SMOC1: variants seen among roughly 807,000 people sequenced by gnomAD.
The protein encoded by SMOC1 is SPARC-related modular calcium-binding protein 1.
In SMOC1, 22 loss-of-function variants were observed where a neutral mutation model predicts 56.3. The ratio of observed to expected loss-of-function variants is 0.39; its 90% CI spans 0.28 to 0.56. The LOEUF (loss-of-function observed/expected upper bound fraction) is 0.56. Ranked by LOEUF, SMOC1 falls within the 20% of genes least tolerant of loss-of-function variation. The pLI is 0.61. For synonymous variants in SMOC1, 193 were observed against 215.0 expected, an observed-to-expected ratio of 0.90 and a Z score of 0.89; for missense variants, 509 against 565.4, an observed-to-expected ratio of 0.90 and a Z score of 1.01.
chr14:69,955,214 C>T (rs1452966331), intron 3 of SMOC1, among the ~76,000 whole-genome samples: 1 of 152,114 alleles, frequency 6.6e-6, no homozygotes, highest in Non-Finnish European at 1.5e-5. Flanking sequence ...CAGAAGCCCT[C>T]CATACTCTGT....
At chr14:69,937,334 C>G (rs1266133829) in intron 1 of SMOC1, among the ~76,000 whole-genome samples, 3 of 152,186 alleles carry the variant, frequency 2.0e-5, no homozygotes, top group Non-Finnish European at 4.4e-5. Flanking sequence ...GAAAAAGATC[C>G]TCGTAGTCAA....
chr14:70,010,608 C>A, intron 7 of SMOC1, 146 bp from the exon 8 acceptor site: 1 of 844,220 alleles, frequency 1.2e-6, no homozygotes, highest in Non-Finnish European at 1.9e-6. Flanking sequence ...GGAGACAGCT[C>A]TCTGTGGTAA....
intron 1 of SMOC1, among the ~76,000 whole-genome samples, chr14:69,884,990 G>A (rs558610398): frequency 1.3e-5 from 2 of 152,032 alleles, no homozygotes; most frequent in East Asian, 3.9e-4. Context: ...ATTTTTATAG[G>A]GATTGCACTG....
In SMOC1 at chr14:69,894,903, G is replaced by A. The variant is rs549756239; in HGVS notation, c.99+15126G>A. On this transcript the variant is annotated intron_variant, in intron 1 of 11. Coordinates refer to ENST00000361956, the MANE Select transcript of SMOC1 (RefSeq NM_001034852.3). ...AGCCCAAAATAAGGATAATAGGCCCGCAGTTGAAAGATTCCCATAGATACC... is the reference window on the plus strand; with the variant it reads ...AGCCCAAAATAAGGATAATAGGCCCACAGTTGAAAGATTCCCATAGATACC... 6.6e-5 allele frequency among the ~76,000 whole-genome samples: 10 copies of A among 152,302 alleles called. No homozygotes were observed. In the East Asian group the frequency reaches 9.6e-4, roughly 15 times the overall value.
intron 3 of SMOC1, among the ~76,000 whole-genome samples, chr14:69,954,835 T>C (rs1883130430): frequency 6.6e-6 from 1 of 152,170 alleles, no homozygotes; most frequent in South Asian, 2.1e-4. Context: ...AAAGGGTATA[T>C]AGGCTGGTCT....
intron 1 of SMOC1, among the ~76,000 whole-genome samples, chr14:69,941,143 C>A (rs575250711): frequency 1.3e-5 from 2 of 152,298 alleles, no homozygotes; most frequent in Admixed American, 1.3e-4. Context: ...TGGCATCCCG[C>A]CCTGCCCTAC....
At chr14:69,905,412 G>A (rs1884381646) in intron 1 of SMOC1, among the ~76,000 whole-genome samples, 1 of 152,192 alleles carries the variant, frequency 6.6e-6, no homozygotes, top group African/African-American at 2.4e-5. Flanking sequence ...AGCTGCAAAG[G>A]GAGGTGGTGA....
chr14:69,978,195 C>G (rs1884040359), intron 5 of SMOC1: 2 of 582,814 alleles, frequency 3.4e-6, no homozygotes, highest in Admixed American at 2.8e-5. Flanking sequence ...GAGTATAGAG[C>G]CCAGAGCTGG....
At chr14:69,994,882 T>G (rs972729714) in intron 7 of SMOC1, among the ~76,000 whole-genome samples, 61 of 152,294 alleles carry the variant, frequency 4.0e-4, no homozygotes, top group African/African-American at 1.5e-3. Context: ...TGGTCTGATC[T>G]TTTGGTAGGG....
chr14:69,998,036 T>A (rs1215779819), intron 7 of SMOC1, among the ~76,000 whole-genome samples: 1 of 152,168 alleles, frequency 6.6e-6, no homozygotes, highest in African/African-American at 2.4e-5. Context: ...TGGGGATTGT[T>A]GATGTTGGAA....
chr14:70,029,179 T>C (rs1886045960), intron 11 of SMOC1, among the ~76,000 whole-genome samples: 1 of 152,168 alleles, frequency 6.6e-6, no homozygotes. Context: ...TCCTCGCTCC[T>C]CTTCAAGAGG....
Position 69,947,224 on chromosome 14 carries a change from A to G in SMOC1, c.100-4914A>G, listed in dbSNP as rs181087773. Among the ~76,000 whole-genome samples, 515 of 150,814 alleles carry G rather than the reference A, an allele frequency of 3.4e-3. 1 individual carries two copies. Among genetic ancestry groups the G allele is most frequent in the African/African-American group, 0.012 (477 of 40,970 alleles). ...CTTATTCTGTCACCCAGGCTGGAGTACAGTGGTACCATCATGGCTCACTGC... is the reference window on the plus strand; with the variant it reads ...CTTATTCTGTCACCCAGGCTGGAGTGCAGTGGTACCATCATGGCTCACTGC... On this transcript the variant is annotated intron_variant, in intron 1 of 11. Coordinates refer to ENST00000361956, the MANE Select transcript of SMOC1 (RefSeq NM_001034852.3).
intron 1 of SMOC1, among the ~76,000 whole-genome samples, chr14:69,906,268 A>G (rs1884404968): frequency 6.6e-6 from 1 of 152,206 alleles, no homozygotes; most frequent in South Asian, 2.1e-4. Flanking sequence ...GCTAGGTAAT[A>G]AAAGAAGATA....
chr14:70,024,155 G>T (rs1371845321), intron 11 of SMOC1, among the ~76,000 whole-genome samples: 1 of 152,134 alleles, frequency 6.6e-6, no homozygotes, highest in Non-Finnish European at 1.5e-5. Flanking sequence ...TTCATTGGCT[G>T]GAACTCAGTC....
At chr14:69,900,218 G>A (rs1425488919) in intron 1 of SMOC1, among the ~76,000 whole-genome samples, 4 of 152,168 alleles carry the variant, frequency 2.6e-5, no homozygotes, top group Admixed American at 6.5e-5. Flanking sequence ...CAGCCATGTG[G>A]GAAGCAGCCA....
intron 5 of SMOC1, among the ~76,000 whole-genome samples, chr14:69,983,409 G>C (rs553456925): frequency 6.6e-6 from 1 of 152,328 alleles, no homozygotes; most frequent in East Asian, 1.9e-4. Flanking sequence ...ACGAGTCCAG[G>C]CCTCACCTCC....
At chr14:70,023,574 C>A (rs1299308985) in intron 11 of SMOC1, 127 bp downstream of exon 11, 36 of 1,350,982 alleles carry the variant, frequency 2.7e-5, no homozygotes, top group Non-Finnish European at 3.7e-5. Context: ...TGGAAGTGTG[C>A]TATGCTTCAT....
At chr14:70,003,522 G>A (rs1017911254) in intron 7 of SMOC1, among the ~76,000 whole-genome samples, 1 of 152,190 alleles carries the variant, frequency 6.6e-6, no homozygotes, top group Admixed American at 6.5e-5. Flanking sequence ...AATTCTGTGA[G>A]AGGGGTGACA....
At position 70,012,893 on chromosome 14, in the gene SMOC1, A is replaced by T. The variant is rs77117128; in HGVS notation, c.941-493A>T. ...GATGGTTGAGGAGGGAAGTGAAAAA[A>T]GGAGGAGGCTCTTGGATGGATCTGG... On this transcript the variant is annotated intron_variant, in intron 9 of 11. Coordinates refer to ENST00000361956, the MANE Select transcript of SMOC1 (RefSeq NM_001034852.3). Among the ~76,000 whole-genome samples the T allele has an allele frequency of 4.3e-4, 66 of 152,354 alleles. No individual in the cohort carries two copies. In the Middle Eastern group the frequency reaches 0.031, roughly 71 times the overall value.
Sources: gnomAD v4.1 joint callset for allele counts (sites outside exome capture counted in the v4.1 genomes callset) on GRCh38, gnomAD v4.1.1 for gene constraint, MANE v1.5 for transcripts, NCBI Gene and HGNC (gene_info 2026-07-23, HGNC 2026-07-21) for gene names.